The following TAFA5 variants were observed in gnomAD, a reference collection of about 807,000 sequenced individuals.
TAFA5 encodes the protein chemokine-like protein TAFA-5.
Under a neutral mutation model 15.3 loss-of-function variants are expected in TAFA5, and 6 were observed. That is an observed-to-expected ratio of 0.39 (90% CI 0.21 to 0.77). The LOEUF (loss-of-function observed/expected upper bound fraction) is 0.77. Among genes scored for constraint, TAFA5 ranks in the 30% least tolerant of loss-of-function variants. TAFA5 has a pLI of 0.41. For missense variants in TAFA5, 161 were observed against 193.1 expected (o/e 0.83, Z 0.98); for synonymous variants, 103 against 80.7 (o/e 1.28, Z -1.48).
chr22:48,551,751 A>G (rs999466173), intron 1 of TAFA5, among the ~76,000 whole-genome samples: 1 of 152,098 alleles, frequency 6.6e-6, no homozygotes, highest in East Asian at 1.9e-4. Flanking sequence ...AAACTCTGTG[A>G]CAAGTGCTGC....
intron 3 of TAFA5, among the ~76,000 whole-genome samples, chr22:48,747,859 T>G (rs1403888651): frequency 6.9e-6 from 1 of 144,550 alleles, no homozygotes; most frequent in Non-Finnish European, 1.5e-5. Context: ...ATCGCACCAC[T>G]GTACTTCAGC....
chr22:48,604,766 G>A (rs1406222169), intron 1 of TAFA5, among the ~76,000 whole-genome samples: 1 of 152,170 alleles, frequency 6.6e-6, no homozygotes, highest in East Asian at 1.9e-4. Flanking sequence ...AATTTGGGGA[G>A]GATTGAGGGG....
chr22:48,555,142 A>G (rs991016370), intron 1 of TAFA5, among the ~76,000 whole-genome samples: 1 of 152,228 alleles, frequency 6.6e-6, no homozygotes, highest in Non-Finnish European at 1.5e-5. Context: ...CTTAGCAAAC[A>G]GCCCAGGGCC....
At chr22:48,658,913 G>T (rs1011594951) in intron 2 of TAFA5, among the ~76,000 whole-genome samples, 10 of 152,204 alleles carry the variant, frequency 6.6e-5, no homozygotes, top group African/African-American at 1.7e-4. Flanking sequence ...AGAGCCTAGA[G>T]GAAGGAACCA....
At chr22:48,627,990 C>T (rs1926084083) in intron 1 of TAFA5, among the ~76,000 whole-genome samples, 1 of 151,920 alleles carries the variant, frequency 6.6e-6, no homozygotes, top group Non-Finnish European at 1.5e-5. Context: ...AATGGAGGCT[C>T]AGTGTGGGGG....
chr22:48,553,860 G>A lies in TAFA5; in HGVS notation c.112+64156G>A, dbSNP rs1922940604. Among the ~76,000 whole-genome samples the A allele has an allele frequency of 1.3e-5, 2 of 152,166 alleles. 1 individual carries two copies. Among genetic ancestry groups the A allele is most frequent in the African/African-American group, 4.8e-5 (2 of 41,448 alleles). On this transcript the variant is annotated intron_variant, in intron 1 of 3. Transcript: ENST00000402357. ...GGAATCCAACCGAGAACTTGACAGT[G>A]GAGGCTGTTTGATGCTCATTAGGTG...
intron 3 of TAFA5, among the ~76,000 whole-genome samples, chr22:48,746,797 G>A (rs1186989851): frequency 6.6e-6 from 1 of 152,192 alleles, no homozygotes; most frequent in African/African-American, 2.4e-5. Flanking sequence ...GGTGGATTGG[G>A]ATGGCAGCCT....
intron 1 of TAFA5, among the ~76,000 whole-genome samples, chr22:48,573,816 C>T (rs1411813989): frequency 1.3e-5 from 2 of 152,182 alleles, no homozygotes; most frequent in African/African-American, 4.8e-5. Flanking sequence ...GTGAACGTAG[C>T]ACACTTTTCT....
intron 2 of TAFA5, among the ~76,000 whole-genome samples, chr22:48,647,233 C>G (rs1034986884): frequency 6.6e-6 from 1 of 152,178 alleles, no homozygotes; most frequent in African/African-American, 2.4e-5. Context: ...CCCATGGGCT[C>G]TGAGCACATG....
intron 3 of TAFA5, among the ~76,000 whole-genome samples, chr22:48,737,837 C>A (rs1930074305): frequency 6.6e-6 from 1 of 152,168 alleles, no homozygotes; most frequent in South Asian, 2.1e-4. Flanking sequence ...GCTTCCACCT[C>A]CCAGGGAGCT....
intron 3 of TAFA5, among the ~76,000 whole-genome samples, chr22:48,729,351 A>ATAT (rs10699214): frequency 0.95 from 134,219 of 141,658 alleles, 63,651 homozygotes; most frequent in East Asian, 0.99. Context: ...ATATATTTTT[A>ATAT]TATTAGTATA....
intron 1 of TAFA5, chr22:48,544,946 T>A (rs569642769): frequency 2.2e-6 from 1 of 458,452 alleles, no homozygotes; most frequent in Admixed American, 2.4e-5. Context: ...GAAGGAAGGA[T>A]GCTGAGCGCA....
chr22:48,597,077 G>A (rs1924791415), intron 1 of TAFA5, among the ~76,000 whole-genome samples: 1 of 152,234 alleles, frequency 6.6e-6, no homozygotes, highest in Admixed American at 6.5e-5. Context: ...CAAATGCTGG[G>A]ATTCCAGGTG....
chr22:48,508,060 C>T (rs970075458), intron 1 of TAFA5, among the ~76,000 whole-genome samples: 18 of 152,106 alleles, frequency 1.2e-4, no homozygotes, highest in Non-Finnish European at 1.9e-4. Context: ...TAGAGCCGCC[C>T]GCTTGCAGAG....
chr22:48,611,961 T>G (rs965214757), intron 1 of TAFA5, among the ~76,000 whole-genome samples: 1 of 152,198 alleles, frequency 6.6e-6, no homozygotes, highest in Non-Finnish European at 1.5e-5. Flanking sequence ...CCTGGGTCCC[T>G]GTTTACTGCT....
At chr22:48,666,854 C>T (rs1377309214) in intron 2 of TAFA5, among the ~76,000 whole-genome samples, 1 of 152,116 alleles carries the variant, frequency 6.6e-6, no homozygotes, top group Non-Finnish European at 1.5e-5. Flanking sequence ...CATCCGGAGC[C>T]CAGGAGGTAG....
At chr22:48,661,429 C>T (rs949855739) in intron 2 of TAFA5, among the ~76,000 whole-genome samples, 1 of 152,214 alleles carries the variant, frequency 6.6e-6, no homozygotes, top group Non-Finnish European at 1.5e-5. Context: ...AAACTGGAGG[C>T]TCTTTCCTCC....
intron 2 of TAFA5, among the ~76,000 whole-genome samples, chr22:48,695,794 G>C (rs1928691668): frequency 1.3e-5 from 2 of 152,110 alleles, no homozygotes; most frequent in African/African-American, 4.8e-5. Flanking sequence ...CCTGGTGCTG[G>C]AAAAAAATAG....
At chr22:48,635,370 G>A (rs974456116) in intron 1 of TAFA5, among the ~76,000 whole-genome samples, 1 of 152,140 alleles carries the variant, frequency 6.6e-6, no homozygotes, top group African/African-American at 2.4e-5. Flanking sequence ...GGGCTTCCCA[G>A]TCTTCTTCAG....
Sources: gnomAD v4.1 joint callset for allele counts (sites outside exome capture counted in the v4.1 genomes callset) on GRCh38, gnomAD v4.1.1 for gene constraint, MANE v1.5 for transcripts, NCBI Gene and HGNC (gene_info 2026-07-23, HGNC 2026-07-21) for gene names.